Variants in ZNF148 observed in about 807,000 individuals in gnomAD.
ZNF148 encodes Beta-Enolase Repressor Factor-1.
A neutral mutation model predicts 67.7 loss-of-function variants in ZNF148; 7 were observed. The observed-to-expected ratio is 0.10, with a 90% confidence interval of 0.06 to 0.19. The LOEUF is 0.19. Ranked by LOEUF, ZNF148 falls within the 10% of genes least tolerant of loss-of-function variation. The pLI is 1.00. For synonymous variants in ZNF148, 333 were observed against 330.7 expected (o/e 1.01, Z -0.08); for missense variants, 583 against 947.1 (o/e 0.62, Z 5.05).
chr3:125,348,023 C>T (rs549565179), intron 1 of ZNF148, among the ~76,000 whole-genome samples: 21 of 151,984 alleles, frequency 1.4e-4, no homozygotes, highest in African/African-American at 3.4e-4. Flanking sequence ...TCCCAGCAAA[C>T]GCAGGTGGAT....
intron 1 of ZNF148, among the ~76,000 whole-genome samples, chr3:125,349,017 A>T (rs1942045987): frequency 6.6e-6 from 1 of 152,236 alleles, no homozygotes; most frequent in South Asian, 2.1e-4. Flanking sequence ...TGGTACTGGG[A>T]AATCTGGGCA....
intron 7 of ZNF148, among the ~76,000 whole-genome samples, chr3:125,275,331 C>T (rs1937994302): frequency 6.6e-6 from 1 of 152,136 alleles, no homozygotes; most frequent in Non-Finnish European, 1.5e-5. Flanking sequence ...TTGCTTCTAC[C>T]ACTTTTAGAT....
intron 1 of ZNF148, among the ~76,000 whole-genome samples, chr3:125,353,615 G>T (rs1418199105): frequency 6.6e-6 from 1 of 151,984 alleles, no homozygotes; most frequent in Non-Finnish European, 1.5e-5. Flanking sequence ...CAAAATAAAG[G>T]TTTTTTCCTT....
At chr3:125,240,711 C>T (rs920581120) in intron 7 of ZNF148, among the ~76,000 whole-genome samples, 2 of 150,482 alleles carry the variant, frequency 1.3e-5, no homozygotes, top group Non-Finnish European at 3.0e-5. Flanking sequence ...CTGCAGTGAG[C>T]TGTGATTGCG....
At chr3:125,287,393 C>G (rs1455698191) in intron 5 of ZNF148, among the ~76,000 whole-genome samples, 1 of 152,144 alleles carries the variant, frequency 6.6e-6, no homozygotes, top group East Asian at 1.9e-4. Flanking sequence ...AATCCTAATA[C>G]TTTGGGAGGC....
At chr3:125,311,605 T>G (rs564850488) in intron 4 of ZNF148, among the ~76,000 whole-genome samples, 3 of 151,988 alleles carry the variant, frequency 2.0e-5, no homozygotes, top group Admixed American at 6.5e-5. Context: ...GTACATCAAT[T>G]ACAGACCCCA....
In ZNF148 at chr3:125,329,330, T is replaced by A. The variant is rs902113655; in HGVS notation, c.-153+1828A>T. 3.1e-5 allele frequency among the ~76,000 whole-genome samples: 3 copies of A among 97,248 alleles called. No homozygotes were observed. The East Asian group carries it at 6.1e-4, about 20-fold the overall frequency. 63.8% of individuals were successfully genotyped at this position (97,248 alleles called of 152,430 possible). ...TACTACAGATATATATATAATTTTT[T>A]ATATATATATAAAATTTTACATATA... On this transcript the variant is annotated intron_variant, in intron 2 of 8. Transcript: ENST00000360647.
At chr3:125,312,352 G>A (rs1345389489) in intron 4 of ZNF148, among the ~76,000 whole-genome samples, 3 of 152,230 alleles carry the variant, frequency 2.0e-5, no homozygotes, top group Non-Finnish European at 4.4e-5. Context: ...GCTAGGTAAA[G>A]CTGGTGAATG....
intron 4 of ZNF148, among the ~76,000 whole-genome samples, chr3:125,294,188 A>C (rs1275150724): frequency 6.6e-6 from 1 of 152,206 alleles, no homozygotes; most frequent in African/African-American, 2.4e-5. Context: ...AACACTCATC[A>C]AAGTATAAAG....
intron 7 of ZNF148, among the ~76,000 whole-genome samples, chr3:125,256,371 A>T (rs1196016979): frequency 1.1e-4 from 1 of 9,292 alleles, no homozygotes; most frequent in Non-Finnish European, 2.4e-4. Flanking sequence ...CCATTTCCCA[A>T]AAAAAAAAAA....
At chr3:125,338,608 C>T (rs1941589318) in intron 1 of ZNF148, among the ~76,000 whole-genome samples, 1 of 125,230 alleles carries the variant, frequency 8.0e-6, no homozygotes, top group Non-Finnish European at 1.6e-5. Flanking sequence ...CGCAGTGAGC[C>T]GACATTGTGC....
At chr3:125,257,926 A>G (rs1035259629) in intron 7 of ZNF148, among the ~76,000 whole-genome samples, 4 of 152,154 alleles carry the variant, frequency 2.6e-5, no homozygotes, top group Admixed American at 2.6e-4. Flanking sequence ...CCTTCTAGTC[A>G]GTGACAAGCA....
chr3:125,372,325 AGAT>A (rs1942917329), intron 1 of ZNF148, among the ~76,000 whole-genome samples: 3 of 152,246 alleles, frequency 2.0e-5, no homozygotes, highest in Non-Finnish European at 4.4e-5. Flanking sequence ...GGAAATCAAG[AGAT>A]ACAGCCTAAG....
chr3:125,243,423 T>G (rs1284369858), intron 7 of ZNF148, among the ~76,000 whole-genome samples: 1 of 152,208 alleles, frequency 6.6e-6, no homozygotes, highest in Non-Finnish European at 1.5e-5. Flanking sequence ...AAAATATTTT[T>G]TAACTTATTT....
At chr3:125,317,458 T>C (rs892643364) in intron 3 of ZNF148, among the ~76,000 whole-genome samples, 1 of 151,844 alleles carries the variant, frequency 6.6e-6, no homozygotes, top group Non-Finnish European at 1.5e-5. Context: ...AACCCTTCAA[T>C]GGGAAAAGAC....
chr3:125,250,670 T>C (rs1403319444), intron 7 of ZNF148, among the ~76,000 whole-genome samples: 1 of 152,226 alleles, frequency 6.6e-6, no homozygotes, highest in Non-Finnish European at 1.5e-5. Flanking sequence ...TGACAGCAGT[T>C]GGAATAAGTT....
chr3:125,291,574 C>A (rs1385553227), intron 4 of ZNF148, among the ~76,000 whole-genome samples: 2 of 152,024 alleles, frequency 1.3e-5, no homozygotes, highest in African/African-American at 4.8e-5. Context: ...GATTCCATTC[C>A]CACCCATTTT....
At chr3:125,254,375 T>C (rs1936977923) in intron 7 of ZNF148, among the ~76,000 whole-genome samples, 3 of 152,194 alleles carry the variant, frequency 2.0e-5, no homozygotes, top group South Asian at 4.1e-4. Flanking sequence ...ATGGGCTATA[T>C]ATGTCACTCA....
At chr3:125,285,815 A>G (rs1938626457) in intron 5 of ZNF148, among the ~76,000 whole-genome samples, 1 of 152,202 alleles carries the variant, frequency 6.6e-6, no homozygotes, top group Non-Finnish European at 1.5e-5. Flanking sequence ...AGAATAGGAC[A>G]ACTCCGTCAT....
Sources: gnomAD v4.1 joint callset for allele counts (sites outside exome capture counted in the v4.1 genomes callset) on GRCh38, gnomAD v4.1.1 for gene constraint, MANE v1.5 for transcripts, NCBI Gene and HGNC (gene_info 2026-07-23, HGNC 2026-07-21) for gene names.